The following HERC3 variants were observed in gnomAD, a reference collection of about 807,000 sequenced individuals.
The protein encoded by HERC3 is probable E3 ubiquitin-protein ligase HERC3.
HERC3 carries 58 observed loss-of-function variants against 129.9 expected under a neutral mutation model. The ratio of observed to expected loss-of-function variants is 0.45; its 90% CI spans 0.36 to 0.56. The LOEUF (loss-of-function observed/expected upper bound fraction) is 0.56. Ranked by LOEUF, HERC3 falls within the 20% of genes least tolerant of loss-of-function variation. The probability of loss-of-function intolerance (pLI) is 0.00; values close to 1 mark genes in which losing one functional copy is unlikely to be tolerated. For synonymous variants in HERC3, 430 were observed against 451.0 expected (o/e 0.95, Z 0.59); for missense variants, 835 against 1,244.2 (o/e 0.67, Z 4.95).
At chr4:88,645,517 T>C (rs1728595236) in intron 3 of HERC3, among the ~76,000 whole-genome samples, 1 of 152,124 alleles carries the variant, frequency 6.6e-6, no homozygotes, top group South Asian at 2.1e-4. Flanking sequence ...TAGTAGTCCC[T>C]CCTTATCTGC....
intron 3 of HERC3, among the ~76,000 whole-genome samples, chr4:88,624,923 A>G (rs940539316): frequency 1.3e-5 from 2 of 152,090 alleles, no homozygotes; most frequent in Non-Finnish European, 2.9e-5. Flanking sequence ...GCATATGGAT[A>G]CCCAATTTTC....
chr4:88,686,931 G>T (rs1054732363), intron 22 of HERC3, 129 bp downstream of exon 22: 1 of 746,416 alleles, frequency 1.3e-6, no homozygotes, highest in African/African-American at 1.8e-5. Context: ...AATTATTTTA[G>T]TCATAGTGTC....
chr4:88,556,421 G>T, the HERC3 span, among the ~76,000 whole-genome samples: 1 of 152,146 alleles, frequency 6.6e-6, no homozygotes, highest in East Asian at 1.9e-4. Flanking sequence ...TATTTTGAAA[G>T]AATTAGTTGG....
At chr4:88,635,335 C>T (rs1442792168) in intron 3 of HERC3, among the ~76,000 whole-genome samples, 1 of 151,820 alleles carries the variant, frequency 6.6e-6, no homozygotes, top group African/African-American at 2.4e-5. Context: ...AAAAATGCAA[C>T]GTGAGAACTT....
the HERC3 span, among the ~76,000 whole-genome samples, chr4:88,542,395 G>C: frequency 7.2e-5 from 11 of 152,116 alleles, no homozygotes; most frequent in African/African-American, 2.7e-4. Context: ...AAACCAGGAA[G>C]AAGTTGAATC....
the HERC3 span, among the ~76,000 whole-genome samples, chr4:88,564,916 T>A: frequency 6.6e-6 from 1 of 152,066 alleles, no homozygotes; most frequent in African/African-American, 2.4e-5. Flanking sequence ...TTTTTTTATG[T>A]TCTGTTTCCT....
chr4:88,658,332 T>G (rs1730135290), intron 9 of HERC3, 83 bp from the exon 10 acceptor site: 1 of 685,394 alleles, frequency 1.5e-6, no homozygotes, highest in South Asian at 1.8e-5. Flanking sequence ...CACTCTGAAG[T>G]GTATTCTGCG....
At chr4:88,643,379 T>G (rs1374639240) in intron 3 of HERC3, among the ~76,000 whole-genome samples, 1 of 152,200 alleles carries the variant, frequency 6.6e-6, no homozygotes, top group Non-Finnish European at 1.5e-5. Flanking sequence ...TTTGTAGATA[T>G]AGACAAGCCA....
At chr4:88,555,145 G>A in the HERC3 span, among the ~76,000 whole-genome samples, 1 of 151,966 alleles carries the variant, frequency 6.6e-6, no homozygotes, top group Non-Finnish European at 1.5e-5. Flanking sequence ...TTAGGTGGGC[G>A]TGGTGGTGGT....
At chr4:88,533,209 A>G in the HERC3 span, among the ~76,000 whole-genome samples, 4 of 152,196 alleles carry the variant, frequency 2.6e-5, no homozygotes, top group Non-Finnish European at 5.9e-5. Context: ...GAAGGCCAGA[A>G]AACTCAGCAG....
the HERC3 span, among the ~76,000 whole-genome samples, chr4:88,549,732 T>C: frequency 2.6e-5 from 4 of 151,090 alleles, no homozygotes; most frequent in Admixed American, 2.6e-4. Flanking sequence ...AGAGATGGGG[T>C]CTCGCTCTGT....
At chr4:88,529,609 C>T in the HERC3 span, among the ~76,000 whole-genome samples, 1 of 152,040 alleles carries the variant, frequency 6.6e-6, no homozygotes, top group Non-Finnish European at 1.5e-5. Context: ...GAAAAATTAG[C>T]CAGGCGTGGT....
intron 1 of HERC3, among the ~76,000 whole-genome samples, chr4:88,592,912 C>A (rs746188783): frequency 6.4e-4 from 98 of 152,024 alleles, no homozygotes; most frequent in African/African-American, 2.3e-3. Context: ...GCCCTCCCGC[C>A]CTGCCGCCCG....
the HERC3 span, among the ~76,000 whole-genome samples, chr4:88,551,575 CACA>C: frequency 6.6e-6 from 1 of 151,370 alleles, no homozygotes; most frequent in African/African-American, 2.4e-5. Flanking sequence ...AAATCAAAAC[CACA>C]ATGAGATACC....
At chr4:88,691,098 A>G (rs779507665) in intron 23 of HERC3, among the ~76,000 whole-genome samples, 9 of 152,356 alleles carry the variant, frequency 5.9e-5, no homozygotes, top group Middle Eastern at 3.4e-3. Flanking sequence ...AGAAGAGGAT[A>G]TAAACATGAA....
chr4:88,700,058 T>C (rs1287409081), intron 23 of HERC3, among the ~76,000 whole-genome samples: 1 of 151,094 alleles, frequency 6.6e-6, no homozygotes, highest in African/African-American at 2.5e-5. Flanking sequence ...TCAGGTAAAT[T>C]GAATCATATG....
At chr4:88,555,571 C>T in the HERC3 span, among the ~76,000 whole-genome samples, 12 of 152,148 alleles carry the variant, frequency 7.9e-5, no homozygotes, top group African/African-American at 2.9e-4. Flanking sequence ...TTATCATTAA[C>T]TGGTAGGTTT....
At chr4:88,531,203 T>A in the HERC3 span, among the ~76,000 whole-genome samples, 2 of 151,142 alleles carry the variant, frequency 1.3e-5, no homozygotes, top group Non-Finnish European at 2.9e-5. Context: ...AATTTAAAAT[T>A]TTTTTAAAAT....
At chr4:88,655,854 A>AGTTAAAT (rs1729839813) in intron 8 of HERC3, 21 bp from the exon 9 acceptor site, 1 of 1,600,286 alleles carries the variant, frequency 6.2e-7, no homozygotes, top group African/African-American at 1.3e-5. Context: ...TATGCTGATG[A>AGTTAAAT]GTTAAATTAT....
Sources: allele counts gnomAD v4.1 joint callset (sites outside exome capture counted in the v4.1 genomes callset), GRCh38; gene constraint gnomAD v4.1.1; transcripts MANE v1.5; gene names NCBI Gene and HGNC (gene_info 2026-07-23, HGNC 2026-07-21).